PRKCI: variants seen among roughly 807,000 people sequenced by gnomAD.
The protein encoded by PRKCI is protein kinase C iota type.
Under a neutral mutation model 84.0 loss-of-function variants are expected in PRKCI, and 43 were observed. The observed-to-expected ratio is 0.51, with a 90% CI of 0.40 to 0.66. The LOEUF is 0.66. PRKCI is among the 30% of genes least tolerant of loss of function. The pLI, the probability that PRKCI is intolerant of heterozygous loss-of-function variation, is 0.00. For synonymous variants in PRKCI, 216 were observed against 234.4 expected (o/e 0.92, Z 0.72); for missense variants, 459 against 745.6 (o/e 0.62, Z 4.48).
chr3:170,246,276 C>T (rs1283676048), intron 2 of PRKCI, among the ~76,000 whole-genome samples: 2 of 152,144 alleles, frequency 1.3e-5, no homozygotes, highest in African/African-American at 4.8e-5. Flanking sequence ...CCTCAGCCTC[C>T]TGAGTAGCTG....
chr3:170,267,395 C>T (rs772208766), intron 4 of PRKCI, among the ~76,000 whole-genome samples: 4 of 151,624 alleles, frequency 2.6e-5, no homozygotes, highest in Non-Finnish European at 5.9e-5. Flanking sequence ...AGTAGTAGGC[C>T]GGGCGCGTTG....
intron 8 of PRKCI, among the ~76,000 whole-genome samples, chr3:170,277,762 G>A (rs1441152617): frequency 6.6e-6 from 1 of 151,816 alleles, no homozygotes; most frequent in African/African-American, 2.4e-5. Flanking sequence ...AGTGACCTTG[G>A]CACACCTTAA....
intron 2 of PRKCI, among the ~76,000 whole-genome samples, chr3:170,245,409 G>C (rs1423346596): frequency 6.6e-6 from 1 of 152,128 alleles, no homozygotes; most frequent in Non-Finnish European, 1.5e-5. Context: ...GAATAGATTT[G>C]CTTCTGGAAA....
intron 16 of PRKCI, among the ~76,000 whole-genome samples, chr3:170,298,354 A>G (rs983556842): frequency 2.0e-5 from 3 of 151,548 alleles, no homozygotes; most frequent in Non-Finnish European, 4.4e-5. Flanking sequence ...GTAACCTCCC[A>G]AGTAGCTGGG....
chr3:170,293,310 G>GA (rs1258436862), intron 13 of PRKCI, 73 bp from the exon 14 acceptor site: 25 of 1,418,096 alleles, frequency 1.8e-5, no homozygotes, highest in Non-Finnish European at 2.2e-5. Flanking sequence ...TCCTTTATGT[G>GA]ATAAAATTTC....
chr3:170,246,782 C>A (rs373185563), intron 2 of PRKCI, among the ~76,000 whole-genome samples: 34 of 152,298 alleles, frequency 2.2e-4, no homozygotes, highest in East Asian at 9.6e-4. Context: ...GAACTTTTCA[C>A]CATCCCAATC....
intron 8 of PRKCI, among the ~76,000 whole-genome samples, chr3:170,278,621 A>T (rs1443245764): frequency 6.6e-6 from 1 of 152,238 alleles, no homozygotes; most frequent in East Asian, 1.9e-4. Context: ...GTGCCACTGC[A>T]CTGCAGCCTG....
chr3:170,245,325 A>G lies in PRKCI; in HGVS notation c.223+9974A>G, dbSNP rs573219899. On this transcript the variant is annotated intron_variant, in intron 2 of 17. Coordinates refer to ENST00000295797, the MANE Select transcript of PRKCI (RefSeq NM_002740.6). ...GTCTGTGGGACTGAGCCCTAAACCT[A>G]CGGGGGTCTGTGCTAACTCCAGGTG... is the stretch of plus-strand genomic sequence containing the variant. 9.3e-4 allele frequency among the ~76,000 whole-genome samples: 141 copies of G among 152,022 alleles called. 1 individual carries two copies. Among genetic ancestry groups the G allele is most frequent in the African/African-American group, 3.0e-3 (124 of 41,506 alleles).
intron 2 of PRKCI, among the ~76,000 whole-genome samples, chr3:170,253,403 C>G (rs893319416): frequency 2.0e-5 from 3 of 152,140 alleles, no homozygotes; most frequent in East Asian, 1.9e-4. Flanking sequence ...GAGATGATAT[C>G]TTGATGTAGT....
intron 2 of PRKCI, among the ~76,000 whole-genome samples, chr3:170,245,945 CTTTGTTTT>C (rs1733265369): frequency 1.1e-5 from 1 of 95,182 alleles, no homozygotes; most frequent in South Asian, 3.3e-4. Flanking sequence ...GATGTTATGT[CTTTGTTTT>C]TTTTTTTTTT....
At chr3:170,294,699 A>G (rs552676992) in intron 14 of PRKCI, among the ~76,000 whole-genome samples, 2 of 152,276 alleles carry the variant, frequency 1.3e-5, no homozygotes, top group East Asian at 3.9e-4. Context: ...CCTATGAAGT[A>G]TTTTTTTATT....
chr3:170,228,331 G>T (rs1252597741), intron 1 of PRKCI, among the ~76,000 whole-genome samples: 1 of 152,144 alleles, frequency 6.6e-6, no homozygotes, highest in African/African-American at 2.4e-5. Context: ...TGGGTATGGT[G>T]GTTCATGCCT....
chr3:170,289,303 T>A (rs1734478102), intron 12 of PRKCI, among the ~76,000 whole-genome samples: 1 of 152,238 alleles, frequency 6.6e-6, no homozygotes, highest in Non-Finnish European at 1.5e-5. Flanking sequence ...GAAATCATTT[T>A]AAAATTCTTG....
chr3:170,257,281 T>A lies in PRKCI; in HGVS notation c.224-2688T>A, dbSNP rs549449005. On this transcript the variant is annotated intron_variant, in intron 2 of 17. Coordinates refer to ENST00000295797, the MANE Select transcript of PRKCI (RefSeq NM_002740.6). ...AGGATTTCTTAATAGTGGGCAACTT[T>A]GTCAGGGACTGCAAGAGAGATCACC... is the stretch of plus-strand genomic sequence containing the variant. Among the ~76,000 whole-genome samples the A allele has an allele frequency of 3.3e-5, 5 of 152,330 alleles. No homozygotes were observed. The South Asian group carries it at 1.0e-3, about 32-fold the overall frequency.
chr3:170,270,552 T>C lies in PRKCI; in HGVS notation c.582T>C (p.Ser194=), dbSNP rs1466865039. 8 of 1,610,308 alleles carry C rather than the reference T, an allele frequency of 5.0e-6. No homozygotes were observed. Among genetic ancestry groups the C allele is most frequent in the Non-Finnish European group, 6.8e-6 (8 of 1,178,792 alleles). Residue 194 remains serine (S), a synonymous_variant, in exon 6 of 18, where the codon TCT becomes TCC. Coordinates refer to ENST00000295797, the MANE Select transcript of PRKCI (RefSeq NM_002740.6). ...KLVTIECGRH[S]LPQEPVMPMD... is the part of the protein sequence containing the mutation. Reference sequence around the variant, plus strand: ...TCACAATTGAATGTGGGCGGCATTCTTTGCCACAGGTAAGATGTCTGTCCT... The same window carrying C: ...TCACAATTGAATGTGGGCGGCATTCCTTGCCACAGGTAAGATGTCTGTCCT...
At chr3:170,298,724 A>G (rs1734747966) in intron 16 of PRKCI, among the ~76,000 whole-genome samples, 1 of 152,106 alleles carries the variant, frequency 6.6e-6, no homozygotes, top group Admixed American at 6.5e-5. Flanking sequence ...ATTTTTTTAT[A>G]GAGATGGGAT....
chr3:170,238,793 T>C (rs528487642), intron 2 of PRKCI, among the ~76,000 whole-genome samples: 3 of 152,294 alleles, frequency 2.0e-5, no homozygotes, highest in African/African-American at 7.2e-5. Context: ...GGTTTCACCA[T>C]GTTGGCCAGG....
At chr3:170,291,774 T>C (rs879224555) in intron 12 of PRKCI, 80 bp from the exon 13 acceptor site, 31 of 1,078,476 alleles carry the variant, frequency 2.9e-5, no homozygotes, top group Admixed American at 2.8e-4. Context: ...GCTGAACTTA[T>C]ATGATAGGTG....
chr3:170,248,865 T>TGAGAGG (rs397874383), intron 2 of PRKCI, among the ~76,000 whole-genome samples: 12 of 151,754 alleles, frequency 7.9e-5, no homozygotes, highest in Middle Eastern at 3.4e-3. Context: ...TTTTTTTTTT[T>TGAGAGG]GAGAGGGAGT....
Sources: allele counts gnomAD v4.1 joint callset (sites outside exome capture counted in the v4.1 genomes callset), GRCh38; gene constraint gnomAD v4.1.1; transcripts MANE v1.5; gene names NCBI Gene and HGNC (gene_info 2026-07-23, HGNC 2026-07-21).